SMAD6: variants seen among roughly 807,000 people sequenced by gnomAD.
SMAD6 encodes MAD homolog 6.
Under a neutral mutation model 39.4 loss-of-function variants are expected in SMAD6, and 103 were observed. The ratio of observed to expected loss-of-function variants is 2.62; its 90% CI spans 2.23 to 3.08. SMAD6 has a LOEUF of 3.08. Among genes scored for constraint, SMAD6 ranks in the 30% most tolerant of loss-of-function variants. The pLI is 0.00. For missense variants in SMAD6, 1,104 were observed against 742.9 expected, an observed-to-expected ratio of 1.49 and a Z score of -5.65; for synonymous variants, 445 against 353.3, an observed-to-expected ratio of 1.26 and a Z score of -2.91.
At chr15:66,737,379 G>A (rs570063079) in intron 3 of SMAD6, among the ~76,000 whole-genome samples, 1 of 152,340 alleles carries the variant, frequency 6.6e-6, no homozygotes, top group African/African-American at 2.4e-5. Context: ...ATCCTTCATT[G>A]ACTCATGGCA....
At chr15:66,746,508 G>A (rs187292889) in intron 3 of SMAD6, among the ~76,000 whole-genome samples, 3 of 152,134 alleles carry the variant, frequency 2.0e-5, no homozygotes, top group Admixed American at 1.3e-4. Flanking sequence ...TTTGCTCTAG[G>A]GGGGTGGGGG....
chr15:66,707,507 C>T (rs1893139725), intron 1 of SMAD6: 1 of 152,308 alleles, frequency 6.6e-6, no homozygotes, highest in Non-Finnish European at 1.5e-5. Flanking sequence ...GTTGGGCTTC[C>T]AAGCCCCCGC....
intron 3 of SMAD6, among the ~76,000 whole-genome samples, chr15:66,779,730 A>G (rs1412476334): frequency 6.6e-6 from 1 of 152,242 alleles, no homozygotes; most frequent in Non-Finnish European, 1.5e-5. Context: ...TCCTCAGAAA[A>G]AGAGCCATGA....
chr15:66,741,053 G>C (rs1383749446), intron 3 of SMAD6: 2 of 152,242 alleles, frequency 1.3e-5, no homozygotes, highest in Non-Finnish European at 1.5e-5. Context: ...GCTGGGTGCC[G>C]GCGGCCGGAG....
At chr15:66,712,688 CAAAAAAAAAAAA>C (rs775687604) in intron 2 of SMAD6, among the ~76,000 whole-genome samples, 14 of 49,326 alleles carry the variant, frequency 2.8e-4, no homozygotes, top group African/African-American at 9.2e-4. Flanking sequence ...AATTCTGTCT[CAAAAAAAAAAAA>C]AAAAAAAAAA....
chr15:66,716,658 G>T (rs1371340310), intron 3 of SMAD6, among the ~76,000 whole-genome samples, 160 bp downstream of exon 3: 1 of 152,166 alleles, frequency 6.6e-6, no homozygotes, highest in Non-Finnish European at 1.5e-5. Flanking sequence ...TCAGTCCCTG[G>T]TGTTTTTGGG....
At chr15:66,746,579 A>T (rs1320872620) in intron 3 of SMAD6, among the ~76,000 whole-genome samples, 1 of 151,944 alleles carries the variant, frequency 6.6e-6, no homozygotes, top group East Asian at 1.9e-4. Flanking sequence ...AAAGTCACTC[A>T]CTCATTCAGA....
rs537039460 is a variant in SMAD6, at chr15:66,766,398, G to A, written c.953-14599G>A. ...TGAGGGTCTGGCTGCCCTGGGTTTG[G>A]ATTGGGGCTTGTCAGCTGTGTGACT... is the stretch of plus-strand genomic sequence containing the variant. On this transcript the variant is annotated intron_variant, in intron 3 of 3. Transcript: ENST00000288840. Among the ~76,000 whole-genome samples the A allele has an allele frequency of 2.6e-4, 39 of 152,318 alleles. No homozygotes were observed. In the South Asian group the frequency reaches 8.1e-3, roughly 32 times the overall value.
chr15:66,757,847 G>A (rs1441850461), intron 3 of SMAD6, among the ~76,000 whole-genome samples: 2 of 152,208 alleles, frequency 1.3e-5, no homozygotes, highest in African/African-American at 4.8e-5. Flanking sequence ...TGGGCATCCT[G>A]GGCACCGGGG....
chr15:66,748,205 A>T (rs796161756), intron 3 of SMAD6, among the ~76,000 whole-genome samples: 6 of 138,440 alleles, frequency 4.3e-5, no homozygotes, highest in East Asian at 2.0e-4. Context: ...ATTTCTTCCC[A>T]TTTTTTTTTT....
intron 3 of SMAD6, among the ~76,000 whole-genome samples, chr15:66,766,827 A>G (rs1894297203): frequency 6.6e-6 from 1 of 152,072 alleles, no homozygotes; most frequent in Non-Finnish European, 1.5e-5. Context: ...TCTCCCTGGG[A>G]CTCTTGTCTT....
intron 2 of SMAD6, among the ~76,000 whole-genome samples, chr15:66,716,038 G>T (rs150441378): frequency 1.3e-5 from 2 of 152,302 alleles, no homozygotes; most frequent in Non-Finnish European, 2.9e-5. Context: ...ACAACTTCAA[G>T]AATTTTAATG....
chr15:66,767,957 A>ATTT (rs1158976583), intron 3 of SMAD6, among the ~76,000 whole-genome samples: 2 of 102,772 alleles, frequency 1.9e-5, no homozygotes, highest in Admixed American at 1.2e-4. Context: ...CCCAAGCTGC[A>ATTT]TCTTTTTTTT....
chr15:66,704,167 C>A, intron 1 of SMAD6, 92 bp downstream of exon 1: 5 of 1,052,888 alleles, frequency 4.7e-6, no homozygotes, highest in African/African-American at 3.3e-5. Context: ...GTCGGCGCAG[C>A]TGCGGGTGCT....
At chr15:66,761,837 C>T (rs1894205183) in intron 3 of SMAD6, among the ~76,000 whole-genome samples, 1 of 152,198 alleles carries the variant, frequency 6.6e-6, no homozygotes, top group South Asian at 2.1e-4. Context: ...GTACATTCCA[C>T]GGCACCCTGT....
At position 66,781,213 on chromosome 15, in the gene SMAD6, G is replaced by A. The variant is rs1469057483; in HGVS notation, c.1169G>A (p.Gly390Asp). The change falls in exon 4 of 4, where the codon GGC becomes GAC. Residue 390 changes from glycine to aspartate, a missense_variant. Coordinates refer to ENST00000288840, the MANE Select transcript of SMAD6 (RefSeq NM_005585.5). ...VRRTRSKIGFGILLSKEPDGV... is the reference protein window; with the variant it reads ...VRRTRSKIGFDILLSKEPDGV... ...CGAACGCGCAGCAAGATCGGCTTCG[G>A]CATCCTGCTCAGCAAGGAGCCCGAC... 2 of 1,608,494 alleles carry A rather than the reference G, an allele frequency of 1.2e-6. No individual in the cohort carries two copies. The highest frequency in any genetic ancestry group is 8.5e-7 in the Non-Finnish European group (1 of 1,179,726).
rs186233227 is a variant in SMAD6, at chr15:66,711,578, T to G, written c.818-90T>G. ...GAGGGCTTCCTGGAGGCTGAGTTTA[T>G]TATTTGGGAAACCAGTAATTAAAAG... On this transcript the variant is annotated intron_variant, in intron 1 of 3. Coordinates refer to ENST00000288840, the MANE Select transcript of SMAD6 (RefSeq NM_005585.5). The G allele has an allele frequency of 4.0e-6, 4 of 1,012,074 alleles. No individual in the cohort carries two copies. The African/African-American group carries it at 6.3e-5, about 16-fold the overall frequency. The allele number at this position is 1,012,074 out of a possible 1,614,324, so 62.7% of individuals were successfully genotyped here.
rs1252838641 is a variant in SMAD6, at chr15:66,747,981, A to T, written c.952+31483A>T. On this transcript the variant is annotated intron_variant, in intron 3 of 3. Coordinates refer to ENST00000288840, the MANE Select transcript of SMAD6 (RefSeq NM_005585.5). The surrounding 1 kb of genome is among the most constrained non-coding windows in gnomAD (Gnocchi z 4.5). ...GCTGGGGGCGCACACAGCCACCCCC[A>T]CGCCCTAACTTGCCCCATTGTAGCC... is the stretch of plus-strand genomic sequence containing the variant. 1.3e-5 allele frequency among the ~76,000 whole-genome samples: 2 copies of T among 152,118 alleles called. No homozygotes were observed. The highest frequency in any genetic ancestry group is 2.9e-5 in the Non-Finnish European group (2 of 68,010).
chr15:66,708,561 G>T, intron 1 of SMAD6: 1 of 360,654 alleles, frequency 2.8e-6, no homozygotes, highest in South Asian at 2.2e-5. Flanking sequence ...AATATGGTAC[G>T]TCCGAAGAAT....
Sources: gnomAD v4.1 joint callset for allele counts (sites outside exome capture counted in the v4.1 genomes callset) on GRCh38, gnomAD v4.1.1 for gene constraint, Gnocchi (gnomAD v3.1) non-coding constraint, MANE v1.5 for transcripts, NCBI Gene and HGNC (gene_info 2026-07-23, HGNC 2026-07-21) for gene names.